FHOD3: variants seen among roughly 807,000 people sequenced by gnomAD.
FHOD3 encodes the protein formin homology 2 domain containing 3, also known as FH1/FH2 domain-containing protein 3.
Under a neutral mutation model 173.0 loss-of-function variants are expected in FHOD3, and 90 were observed. That is an observed-to-expected ratio of 0.52 (90% CI 0.44 to 0.62). The LOEUF (loss-of-function observed/expected upper bound fraction) is 0.62, where lower values mean the gene tolerates loss of function less well. Among genes scored for constraint, FHOD3 ranks in the 20% least tolerant of loss-of-function variants. FHOD3 has a pLI of 0.00. For missense variants in FHOD3, 1,945 were observed against 2,034.7 expected (o/e 0.96, Z 0.85); for synonymous variants, 828 against 823.0 (o/e 1.01, Z -0.10).
chr18:36,429,120 A>G (rs2050400451), intron 3 of FHOD3, among the ~76,000 whole-genome samples: 1 of 152,036 alleles, frequency 6.6e-6, no homozygotes, highest in Non-Finnish European at 1.5e-5. Context: ...GAAATTGAGG[A>G]TTGTTTTCCC....
intron 3 of FHOD3, among the ~76,000 whole-genome samples, chr18:36,466,868 C>CT (rs10546728): frequency 8.1e-5 from 12 of 148,942 alleles, no homozygotes; most frequent in East Asian, 2.0e-4. Flanking sequence ...GTGATTTTAG[C>CT]TTTTTTTTTT....
At chr18:36,311,492 A>G (rs1397216035) in intron 1 of FHOD3, among the ~76,000 whole-genome samples, 2 of 152,212 alleles carry the variant, frequency 1.3e-5, no homozygotes, top group Admixed American at 6.5e-5. Context: ...TTCGGACAGT[A>G]GCACCTCCCT....
chr18:36,571,606 C>G (rs1486091055), intron 5 of FHOD3, among the ~76,000 whole-genome samples: 2 of 152,142 alleles, frequency 1.3e-5, no homozygotes, highest in African/African-American at 4.8e-5. Context: ...ATCATACTAC[C>G]TGATTTTAAC....
chr18:36,608,189 C>T (rs1259615210), intron 8 of FHOD3, among the ~76,000 whole-genome samples: 1 of 152,218 alleles, frequency 6.6e-6, no homozygotes, highest in African/African-American at 2.4e-5. Context: ...TAACAGAATA[C>T]CACAGGCTGG....
intron 3 of FHOD3, among the ~76,000 whole-genome samples, chr18:36,412,935 G>C (rs2049432795): frequency 6.6e-6 from 1 of 152,182 alleles, no homozygotes; most frequent in African/African-American, 2.4e-5. Context: ...TGGTGTCCTA[G>C]ACACCTACCT....
chr18:36,620,874 C>A (rs964724310), intron 9 of FHOD3, among the ~76,000 whole-genome samples: 41 of 152,188 alleles, frequency 2.7e-4, no homozygotes, highest in African/African-American at 9.4e-4. Flanking sequence ...TATGCAAGGG[C>A]AGCAACGAAG....
intron 28 of FHOD3, among the ~76,000 whole-genome samples, chr18:36,775,484 C>T (rs577384909): frequency 2.0e-5 from 3 of 152,240 alleles, no homozygotes; most frequent in Non-Finnish European, 4.4e-5. Flanking sequence ...GGCCAGTGAC[C>T]AGGTTCTCTG....
chr18:36,660,575 G>A lies in FHOD3; in HGVS notation c.1835+2387G>A, dbSNP rs577232727. ...GAGTTGGCTGCCGCCTGGAGGGTAAGAGGAGACGCAAAATGAGTAGAGGTT... is the reference window on the plus strand; with the variant it reads ...GAGTTGGCTGCCGCCTGGAGGGTAAAAGGAGACGCAAAATGAGTAGAGGTT... On this transcript the variant is annotated intron_variant, in intron 14 of 28. Transcript: ENST00000590592. Among the ~76,000 whole-genome samples the A allele has an allele frequency of 1.1e-4, 17 of 152,354 alleles. No individual in the cohort carries two copies. In the South Asian group the frequency reaches 2.3e-3, roughly 20 times the overall value.
At chr18:36,758,256 T>C (rs2042717926) in intron 25 of FHOD3, among the ~76,000 whole-genome samples, 2 of 152,200 alleles carry the variant, frequency 1.3e-5, no homozygotes, top group Admixed American at 1.3e-4. Context: ...CATAGTTCAT[T>C]CTCAAAACAC....
At chr18:36,523,444 A>G (rs2056371491) in intron 5 of FHOD3, among the ~76,000 whole-genome samples, 1 of 152,240 alleles carries the variant, frequency 6.6e-6, no homozygotes, top group South Asian at 2.1e-4. Flanking sequence ...TTTCTGGAGC[A>G]GTCTGCTGAG....
At chr18:36,575,599 G>A (rs2058619243) in intron 5 of FHOD3, among the ~76,000 whole-genome samples, 1 of 152,084 alleles carries the variant, frequency 6.6e-6, no homozygotes, top group Admixed American at 6.5e-5. Flanking sequence ...AAAAAATGTT[G>A]TTTAGAAAAA....
rs189467538 is a variant in FHOD3 at position 36,708,017 on chromosome 18, C to T, written c.2237-1078C>T. ...GTTGGCTCAGAATTTTGTGTATTCT[C>T]GATCATTTTGCTACACATCCACAGC... On this transcript the variant is annotated intron_variant, in intron 17 of 28. Coordinates refer to ENST00000590592, the MANE Select transcript of FHOD3 (RefSeq NM_001281740.3). 2.0e-5 allele frequency among the ~76,000 whole-genome samples: 3 copies of T among 152,142 alleles called. No homozygotes were observed. In the East Asian group the frequency reaches 5.8e-4, roughly 29 times the overall value.
chr18:36,369,990 C>G (rs574889392), intron 2 of FHOD3, among the ~76,000 whole-genome samples: 1 of 152,154 alleles, frequency 6.6e-6, no homozygotes, highest in African/African-American at 2.4e-5. Flanking sequence ...CTTTGTTTTC[C>G]TCATCTGCAA....
At position 36,300,199 on chromosome 18, in the gene FHOD3, C is replaced by T. The variant is rs2091922947; in HGVS notation, c.165+2199C>T. On this transcript the variant is annotated intron_variant, in intron 1 of 28. Transcript: ENST00000590592. ...GTGACTAAATGACCCACTTTTTGTG[C>T]TAGAAGTGGGGAACTGAGATTCAAA... Among the ~76,000 whole-genome samples, 5 of 152,140 alleles carry T rather than the reference C, an allele frequency of 3.3e-5. 1 individual carries two copies. The South Asian group carries it at 8.3e-4, about 25-fold the overall frequency.
rs73948080 is a variant in FHOD3 at position 36,596,750 on chromosome 18, T to A, written c.718+1852T>A. On this transcript the variant is annotated intron_variant, in intron 7 of 28. Transcript: ENST00000590592. ...CTAGTACATGGACGGGGGCTGTGAG[T>A]CTGGAAGGTGTTTCCCAGGCTGAGG... Among the ~76,000 whole-genome samples, 813 of 152,070 alleles carry A rather than the reference T, an allele frequency of 5.3e-3. 9 individuals are homozygous for A. Among genetic ancestry groups the A allele is most frequent in the African/African-American group, 0.019 (782 of 41,484 alleles).
intron 4 of FHOD3, among the ~76,000 whole-genome samples, chr18:36,509,893 C>G (rs8097509): frequency 0.18 from 27,082 of 152,144 alleles, 3,683 homozygotes; most frequent in East Asian, 0.59. Flanking sequence ...AAGGAAGAAG[C>G]TGCTTGTTAC....
At chr18:36,742,385 G>T (rs1013097421) in intron 21 of FHOD3, among the ~76,000 whole-genome samples, 1 of 152,190 alleles carries the variant, frequency 6.6e-6, no homozygotes, top group African/African-American at 2.4e-5. Flanking sequence ...AGGACAAAAA[G>T]CAAAGAAGAA....
chr18:36,502,240 G>GT lies in FHOD3; in HGVS notation c.405+255dup, dbSNP rs5824024. Among the ~76,000 whole-genome samples, 2,998 of 146,118 alleles carry GT rather than the reference G, an allele frequency of 0.021. 76 individuals carry two copies. The highest frequency in any genetic ancestry group is 0.066 in the African/African-American group (2,617 of 39,914). On this transcript the variant is annotated intron_variant, in intron 4 of 28. Coordinates refer to ENST00000590592, the MANE Select transcript of FHOD3 (RefSeq NM_001281740.3). ...ACATATTTTTCCATATTTACTTCTA[G>GT]TTTTTTTTTTTTTTAACTATTATTA... is the stretch of plus-strand genomic sequence containing the variant.
At chr18:36,517,795 A>G (rs749225799) in intron 5 of FHOD3, among the ~76,000 whole-genome samples, 20 of 152,220 alleles carry the variant, frequency 1.3e-4, no homozygotes, top group Admixed American at 2.6e-4. Flanking sequence ...GCATTTAAAA[A>G]TTGGGAGATT....
Sources: allele counts gnomAD v4.1 joint callset (sites outside exome capture counted in the v4.1 genomes callset), GRCh38; gene constraint gnomAD v4.1.1; transcripts MANE v1.5; gene names NCBI Gene and HGNC (gene_info 2026-07-23, HGNC 2026-07-21).